The following CHRM3 variants were observed in gnomAD, a reference collection of about 807,000 sequenced individuals.
CHRM3 encodes muscarinic acetylcholine receptor M3.
In CHRM3, 11 loss-of-function variants were observed where a neutral mutation model predicts 41.8. That is an observed-to-expected ratio of 0.26 (90% CI 0.17 to 0.44). The LOEUF is 0.44. CHRM3 is among the 20% of genes least tolerant of loss of function. CHRM3 has a pLI of 1.00. For missense variants in CHRM3, 571 were observed against 745.4 expected, an observed-to-expected ratio of 0.77 and a Z score of 2.72; for synonymous variants, 297 against 301.4, an observed-to-expected ratio of 0.99 and a Z score of 0.15.
rs980916505 is a variant in CHRM3, at chr1:239,702,131, T to C, written c.-147+23843T>C. 2.0e-5 allele frequency among the ~76,000 whole-genome samples: 3 copies of C among 152,174 alleles called. No homozygotes were observed. The East Asian group carries it at 5.8e-4, about 29-fold the overall frequency. On this transcript the variant is annotated intron_variant, in intron 5 of 6. Transcript: ENST00000676153. ...TTTTCCTCAAATAGCATTAAACAGA[T>C]GGTTGATGCTTGGTGAATGTTGCTG...
rs1572123953 is a variant in CHRM3 at position 239,731,789 on chromosome 1, T to G, written c.-147+53501T>G. On this transcript the variant is annotated intron_variant, in intron 5 of 6. Coordinates refer to ENST00000676153, the MANE Select transcript of CHRM3 (RefSeq NM_001375978.1). ...GATCTATATATAGCCATTAAGATTG[T>G]TTCCTCAAAAACAGAAAAAATCTTT... Among the ~76,000 whole-genome samples, 3 of 152,126 alleles carry G rather than the reference T, an allele frequency of 2.0e-5. No homozygotes were observed. In the East Asian group the frequency reaches 5.8e-4, roughly 30 times the overall value.
At position 239,404,035 on chromosome 1, in the gene CHRM3, G is replaced by A. The variant is rs188055203; in HGVS notation, c.-521+16808G>A. Among the ~76,000 whole-genome samples, 303 of 142,792 alleles carry A rather than the reference G, an allele frequency of 2.1e-3. 1 individual carries two copies. Among genetic ancestry groups the A allele is most frequent in the Non-Finnish European group, 3.4e-3 (224 of 65,950 alleles). 93.7% of individuals were successfully genotyped at this position (142,792 alleles called of 152,430 possible). A position where few individuals can be genotyped will look rare whatever the true frequency, so the allele number is the denominator to read the frequency against. On this transcript the variant is annotated intron_variant, in intron 1 of 6. Coordinates refer to ENST00000676153, the MANE Select transcript of CHRM3 (RefSeq NM_001375978.1). ...AGAGATACCTGGCTCGGTGGCTCAC[G>A]CCTGTAATCCCAGCACTTTGGGAGG...
rs577652995 is a variant in CHRM3, at chr1:239,686,432, T to C, written c.-147+8144T>C. ...AGAGCCCTCTTTCCTGGGAAATTGG[T>C]GTTCACCTTCAAGACTCAGATCCAG... On this transcript the variant is annotated intron_variant, in intron 5 of 6. Transcript: ENST00000676153. Among the ~76,000 whole-genome samples, 28 of 152,238 alleles carry C rather than the reference T, an allele frequency of 1.8e-4. No homozygotes were observed. In the South Asian group the frequency reaches 5.6e-3, roughly 30 times the overall value.
At position 239,409,891 on chromosome 1, in the gene CHRM3, A is replaced by T. The variant is rs531486562; in HGVS notation, c.-521+22664A>T. Among the ~76,000 whole-genome samples, 4 of 152,342 alleles carry T rather than the reference A, an allele frequency of 2.6e-5. No individual in the cohort carries two copies. The South Asian group carries it at 8.3e-4, about 32-fold the overall frequency. On this transcript the variant is annotated intron_variant, in intron 1 of 6. Coordinates refer to ENST00000676153, the MANE Select transcript of CHRM3 (RefSeq NM_001375978.1). ...GGGAGGCGGAGGTTGCAGTGAGCCT[A>T]GATCGCGCCACTGCACTCCAGCCTG...
At chr1:239,448,007 C>T (rs1421367292) in intron 1 of CHRM3, among the ~76,000 whole-genome samples, 1 of 152,174 alleles carries the variant, frequency 6.6e-6, no homozygotes, top group Non-Finnish European at 1.5e-5. Flanking sequence ...ACATGCACTT[C>T]AGGTCAGACA....
chr1:239,469,030 C>T (rs1193516855), intron 1 of CHRM3, among the ~76,000 whole-genome samples: 1 of 152,050 alleles, frequency 6.6e-6, no homozygotes, highest in Non-Finnish European at 1.5e-5. Context: ...GTCATTAATT[C>T]ATATAAAAGG....
intron 3 of CHRM3, among the ~76,000 whole-genome samples, chr1:239,550,914 TA>T (rs1300692603): frequency 6.6e-6 from 1 of 152,086 alleles, no homozygotes; most frequent in Admixed American, 6.6e-5. Context: ...AAATAGTTCT[TA>T]AGGTTTTCTT....
chr1:239,675,339 G>T (rs1023934877), intron 4 of CHRM3, among the ~76,000 whole-genome samples: 1 of 152,064 alleles, frequency 6.6e-6, no homozygotes, highest in Non-Finnish European at 1.5e-5. Context: ...TTGTTTTTCT[G>T]CTTCTTTGTC....
In CHRM3 at chr1:239,438,460, A is replaced by G. The variant is rs1004899361; in HGVS notation, c.-521+51233A>G. On this transcript the variant is annotated intron_variant, in intron 1 of 6. Transcript: ENST00000676153. ...ATAGGATGTGGGCATATGCCCACTG[A>G]CATCTCTCTGCTTTATCTTGGTGTG... Among the ~76,000 whole-genome samples the G allele has an allele frequency of 2.6e-5, 4 of 152,232 alleles. No individual in the cohort carries two copies. In the South Asian group the frequency reaches 8.3e-4, roughly 32 times the overall value.
At chr1:239,583,297 A>G (rs1663079601) in intron 3 of CHRM3, among the ~76,000 whole-genome samples, 1 of 152,208 alleles carries the variant, frequency 6.6e-6, no homozygotes, top group Admixed American at 6.5e-5. Context: ...CATTGAGTGT[A>G]TGAAATGTGG....
At chr1:239,428,647 C>T (rs1444282225) in intron 1 of CHRM3, among the ~76,000 whole-genome samples, 1 of 152,174 alleles carries the variant, frequency 6.6e-6, no homozygotes, top group Non-Finnish European at 1.5e-5. Flanking sequence ...CTGTTTGACA[C>T]CTTACCAAAA....
chr1:239,631,194 A>C, intron 3 of CHRM3, among the ~76,000 whole-genome samples: 1 of 152,280 alleles, frequency 6.6e-6, no homozygotes, highest in Non-Finnish European at 1.5e-5. Context: ...TAAAATACAA[A>C]TCTATTTTAA....
At chr1:239,461,192 T>C (rs1665331362) in intron 1 of CHRM3, among the ~76,000 whole-genome samples, 3 of 152,184 alleles carry the variant, frequency 2.0e-5, no homozygotes, top group Admixed American at 2.0e-4. Flanking sequence ...CATGTGCCAA[T>C]GAATAAGGAG....
chr1:239,716,416 T>TAA (rs2148285133), intron 5 of CHRM3, among the ~76,000 whole-genome samples: 1 of 152,086 alleles, frequency 6.6e-6, no homozygotes, highest in South Asian at 2.1e-4. Flanking sequence ...TTGTAGTGAA[T>TAA]AATAGGGAGC....
intron 5 of CHRM3, among the ~76,000 whole-genome samples, chr1:239,715,364 C>T (rs552408298): frequency 3.3e-5 from 5 of 152,110 alleles, no homozygotes; most frequent in East Asian, 3.9e-4. Context: ...TTTGAGAAGG[C>T]GTGTGTGCAG....
intron 4 of CHRM3, among the ~76,000 whole-genome samples, chr1:239,671,647 T>C (rs1674378488): frequency 6.6e-6 from 1 of 152,098 alleles, no homozygotes; most frequent in Non-Finnish European, 1.5e-5. Context: ...GTTGTCCCAT[T>C]ATTGAAAACA....
At chr1:239,898,163 C>T (rs904595012) in intron 6 of CHRM3, 3 of 152,164 alleles carry the variant, frequency 2.0e-5, no homozygotes, top group African/African-American at 4.8e-5. Context: ...AGTTGGATTC[C>T]CTTTAAAGAC....
intron 5 of CHRM3, among the ~76,000 whole-genome samples, chr1:239,689,822 T>C (rs1163067894): frequency 6.6e-6 from 1 of 152,114 alleles, no homozygotes; most frequent in East Asian, 1.9e-4. Flanking sequence ...AGGGTACGGA[T>C]TTCAGTCAGC....
chr1:239,810,299 C>A (rs1335057035), intron 5 of CHRM3, among the ~76,000 whole-genome samples: 3 of 152,118 alleles, frequency 2.0e-5, no homozygotes, highest in Non-Finnish European at 4.4e-5. Context: ...TGAGGGCATG[C>A]TTTGTCTTCC....
Sources: gnomAD v4.1 joint callset for allele counts (sites outside exome capture counted in the v4.1 genomes callset) on GRCh38, gnomAD v4.1.1 for gene constraint, MANE v1.5 for transcripts, NCBI Gene and HGNC (gene_info 2026-07-23, HGNC 2026-07-21) for gene names.